Variants in BNC2 observed in about 807,000 individuals in gnomAD.
The protein encoded by BNC2 is zinc finger protein basonuclin-2.
A neutral mutation model predicts 76.3 loss-of-function variants in BNC2; 20 were observed. The observed-to-expected ratio is 0.26, with a 90% CI of 0.18 to 0.38. The LOEUF (loss-of-function observed/expected upper bound fraction) is 0.38. BNC2 is among the 10% of genes least tolerant of loss of function. The pLI is 1.00. For synonymous variants in BNC2, 582 were observed against 514.8 expected, an observed-to-expected ratio of 1.13 and a Z score of -1.77; for missense variants, 1,382 against 1,399.8, an observed-to-expected ratio of 0.99 and a Z score of 0.20.
At chr9:16,664,133 C>CA (rs1326963964) in intron 3 of BNC2, among the ~76,000 whole-genome samples, 1 of 151,990 alleles carries the variant, frequency 6.6e-6, no homozygotes, top group Non-Finnish European at 1.5e-5. Context: ...AATACCACGA[C>CA]AAAAAAATGA....
intron 5 of BNC2, among the ~76,000 whole-genome samples, chr9:16,512,000 T>A (rs1210957650): frequency 6.6e-6 from 1 of 152,158 alleles, no homozygotes. Flanking sequence ...TACAACAGAA[T>A]CAAAAATTTA....
At chr9:16,575,203 G>A (rs760583469) in intron 4 of BNC2, 37 of 930,894 alleles carry the variant, frequency 4.0e-5, no homozygotes, top group Admixed American at 6.2e-5. Flanking sequence ...GAGCCGCGAC[G>A]TGAATGTAAA....
chr9:16,429,557 A>T (rs1371165307), intron 6 of BNC2: 1 of 181,300 alleles, frequency 5.5e-6, no homozygotes, highest in Non-Finnish European at 1.2e-5. Flanking sequence ...CAGTATGTGC[A>T]TTCTGCTCAG....
chr9:16,692,309 C>A (rs533583514), intron 3 of BNC2, among the ~76,000 whole-genome samples: 1 of 152,262 alleles, frequency 6.6e-6, no homozygotes, highest in Admixed American at 6.5e-5. Flanking sequence ...ATCCTCAACA[C>A]TCAACTCCAG....
chr9:16,809,478 T>C (rs962222553), intron 1 of BNC2, among the ~76,000 whole-genome samples: 8 of 152,168 alleles, frequency 5.3e-5, no homozygotes, highest in Admixed American at 5.2e-4. Flanking sequence ...CACAGACTTA[T>C]GCAAATAAAT....
At chr9:16,511,126 T>A (rs947935806) in intron 5 of BNC2, among the ~76,000 whole-genome samples, 3 of 149,858 alleles carry the variant, frequency 2.0e-5, no homozygotes, top group South Asian at 2.1e-4. Flanking sequence ...TTTTTTTTTT[T>A]AAGAAACAGG....
chr9:16,738,302 A>G, intron 2 of BNC2, 58 bp downstream of exon 2: 1 of 1,579,118 alleles, frequency 6.3e-7, no homozygotes, highest in Non-Finnish European at 8.7e-7. Context: ...TAACTAGGTA[A>G]TCAAAGAATG....
intron 5 of BNC2, among the ~76,000 whole-genome samples, chr9:16,459,034 C>G (rs1427780126): frequency 6.6e-6 from 1 of 152,122 alleles, no homozygotes; most frequent in Non-Finnish European, 1.5e-5. Context: ...TACAGAAACC[C>G]TACAGTCTCT....
At chr9:16,728,087 A>C in intron 2 of BNC2, 90 bp from the exon 3 acceptor site, 6 of 596,260 alleles carry the variant, frequency 1.0e-5, no homozygotes, top group Non-Finnish European at 1.1e-5. Context: ...TGTGCATTTC[A>C]TTTGGGAAGG....
chr9:16,796,083 C>T (rs1817639629), intron 1 of BNC2, among the ~76,000 whole-genome samples: 1 of 152,160 alleles, frequency 6.6e-6, no homozygotes, highest in South Asian at 2.1e-4. Flanking sequence ...CACTTCAAAG[C>T]CCACACTCCT....
intron 1 of BNC2, among the ~76,000 whole-genome samples, chr9:16,778,952 C>G (rs1164711337): frequency 6.6e-6 from 1 of 151,900 alleles, no homozygotes; most frequent in Non-Finnish European, 1.5e-5. Flanking sequence ...CTTTTGCCTT[C>G]TTTTGGGGAT....
intron 3 of BNC2, among the ~76,000 whole-genome samples, chr9:16,721,084 C>G (rs1234688409): frequency 6.6e-6 from 1 of 152,174 alleles, no homozygotes; most frequent in African/African-American, 2.4e-5. Flanking sequence ...ACAGGTCAGG[C>G]TCAATGAGGA....
At chr9:16,467,674 G>T in intron 5 of BNC2, among the ~76,000 whole-genome samples, 1 of 142,696 alleles carries the variant, frequency 7.0e-6, no homozygotes, top group East Asian at 2.1e-4. Flanking sequence ...ACACTCTGGG[G>T]ACTGTGGTGG....
intron 1 of BNC2, among the ~76,000 whole-genome samples, chr9:16,820,861 A>G (rs1469221607): frequency 6.6e-6 from 1 of 152,162 alleles, no homozygotes; most frequent in Non-Finnish European, 1.5e-5. Flanking sequence ...AATGAATCTG[A>G]AAATCAAACA....
chr9:16,668,712 G>A (rs1309015698), intron 3 of BNC2, among the ~76,000 whole-genome samples: 1 of 152,202 alleles, frequency 6.6e-6, no homozygotes, highest in African/African-American at 2.4e-5. Flanking sequence ...TTCTTTCAAA[G>A]GAAGAATTGG....
intron 6 of BNC2, among the ~76,000 whole-genome samples, chr9:16,425,123 C>G (rs191611251): frequency 3.8e-4 from 58 of 152,264 alleles, no homozygotes; most frequent in Middle Eastern, 3.4e-3. Context: ...TAAGCAAATT[C>G]TTGCAAATTA....
intron 3 of BNC2, among the ~76,000 whole-genome samples, chr9:16,585,112 AT>A (rs1162242953): frequency 6.6e-6 from 1 of 152,142 alleles, no homozygotes; most frequent in Non-Finnish European, 1.5e-5. Flanking sequence ...TTTTATAAAA[AT>A]ATCCTAATTT....
rs114724844 is a variant in BNC2, at chr9:16,687,105, A to T, written c.330+40692T>A. 9.3e-3 allele frequency among the ~76,000 whole-genome samples: 1,420 copies of T among 152,256 alleles called. 17 individuals carry two copies. The highest frequency in any genetic ancestry group is 0.032 in the African/African-American group (1,345 of 41,550). Reference sequence around the variant, plus strand: ...AAACTGAGGCTTAGAGTAGGTAAATAACTAGCTCAGAGTCACATGTTATTA... The same window carrying T: ...AAACTGAGGCTTAGAGTAGGTAAATTACTAGCTCAGAGTCACATGTTATTA... On this transcript the variant is annotated intron_variant, in intron 3 of 6. Transcript: ENST00000380672.
chr9:16,610,377 T>A (rs1363430105), intron 3 of BNC2, among the ~76,000 whole-genome samples: 2 of 152,162 alleles, frequency 1.3e-5, no homozygotes, highest in Non-Finnish European at 2.9e-5. Flanking sequence ...CATCTTTCCT[T>A]AAATACCCCC....
Sources: gnomAD v4.1 joint callset for allele counts (sites outside exome capture counted in the v4.1 genomes callset) on GRCh38, gnomAD v4.1.1 for gene constraint, MANE v1.5 for transcripts, NCBI Gene and HGNC (gene_info 2026-07-23, HGNC 2026-07-21) for gene names.